ZC3H12B: variants seen among roughly 807,000 people sequenced by gnomAD.
The protein encoded by ZC3H12B is probable ribonuclease ZC3H12B.
A neutral mutation model predicts 43.9 loss-of-function variants in ZC3H12B; 7 were observed. The observed-to-expected ratio is 0.16, with a 90% CI of 0.09 to 0.30. ZC3H12B has a LOEUF of 0.30. Among genes scored for constraint, ZC3H12B ranks in the 10% least tolerant of loss-of-function variants. ZC3H12B has a pLI of 1.00. For missense variants in ZC3H12B, 475 were observed against 670.2 expected, an observed-to-expected ratio of 0.71 and a Z score of 3.22; for synonymous variants, 222 against 241.7, an observed-to-expected ratio of 0.92 and a Z score of 0.76.
chrX:65,150,628 G>A, the ZC3H12B span, among the ~76,000 whole-genome samples: 2 of 111,316 alleles, frequency 1.8e-5, no homozygotes, highest in South Asian at 3.8e-4. Context: ...TGAAGATGAT[G>A]ACTTCCAGCT....
At chrX:65,056,713 G>C in the ZC3H12B span, among the ~76,000 whole-genome samples, 3 of 110,886 alleles carry the variant, frequency 2.7e-5, no homozygotes, top group Admixed American at 2.9e-4. Context: ...CATTATTATT[G>C]TGTGGGAGTC....
intron 3 of ZC3H12B, among the ~76,000 whole-genome samples, chrX:65,477,717 A>G (rs760689602): frequency 1.3e-4 from 14 of 110,143 alleles, no homozygotes; most frequent in Middle Eastern, 4.7e-3. Flanking sequence ...AGCTGCCAAG[A>G]TCATGCCATT....
At chrX:65,281,680 G>A in the ZC3H12B span, among the ~76,000 whole-genome samples, 22 of 112,319 alleles carry the variant, frequency 2.0e-4, no homozygotes, top group Admixed American at 1.8e-3. Flanking sequence ...ACTCAAAATT[G>A]ACCAAACACC....
rs760042011 is a variant in ZC3H12B, at chrX:65,401,047, C to T, written n.407+2343C>T. 5.5e-5 allele frequency among the ~76,000 whole-genome samples: 6 copies of T among 108,266 alleles called. No homozygotes were observed. The South Asian group carries it at 2.5e-3, about 44-fold the overall frequency. The allele number at this position is 108,266 out of a possible 115,157, so 94.0% of individuals were successfully genotyped here. On this transcript the variant is annotated intron_variant and non_coding_transcript_variant, in intron 3 of 5. Transcript: ENST00000617377. ...ATAGAAGGCTCCACCAATTGTCACCCTCGCAAGGACATCAATTTAATTACT... is the reference window on the plus strand; with the variant it reads ...ATAGAAGGCTCCACCAATTGTCACCTTCGCAAGGACATCAATTTAATTACT...
chrX:65,187,007 C>A, the ZC3H12B span: 3 of 111,744 alleles, frequency 2.7e-5, no homozygotes, highest in African/African-American at 9.7e-5. Flanking sequence ...GTGCAAGTAT[C>A]TTTTTCGTAT....
chrX:65,196,483 G>T, the ZC3H12B span, among the ~76,000 whole-genome samples: 37 of 111,337 alleles, frequency 3.3e-4, no homozygotes, highest in Admixed American at 1.3e-3. Flanking sequence ...ATATAAAAGT[G>T]TTGAAGCAGT....
chrX:65,231,062 G>A, the ZC3H12B span, among the ~76,000 whole-genome samples: 18 of 111,165 alleles, frequency 1.6e-4, no homozygotes, highest in African/African-American at 3.6e-4. Context: ...ATTGTTGGCC[G>A]GTCTGAGAAA....
chrX:65,226,709 A>G, the ZC3H12B span, among the ~76,000 whole-genome samples: 6 of 111,369 alleles, frequency 5.4e-5, no homozygotes, highest in Non-Finnish European at 1.1e-4. Context: ...AATGGAAAAC[A>G]AAAAAAGGCA....
chrX:65,398,345 A>G (rs1296378948), intron 2 of ZC3H12B, among the ~76,000 whole-genome samples: 2 of 112,223 alleles, frequency 1.8e-5, no homozygotes, highest in Non-Finnish European at 3.8e-5. Flanking sequence ...AAACTGGAGT[A>G]ATCACATTAC....
chrX:65,230,192 A>G, the ZC3H12B span, among the ~76,000 whole-genome samples: 1 of 111,781 alleles, frequency 8.9e-6, no homozygotes, highest in Non-Finnish European at 1.9e-5. Flanking sequence ...ACACCATGGA[A>G]TACTATGTAG....
chrX:65,061,806 C>A, the ZC3H12B span, among the ~76,000 whole-genome samples: 1 of 112,345 alleles, frequency 8.9e-6, no homozygotes, highest in Non-Finnish European at 1.9e-5. Flanking sequence ...ATTCTTATTT[C>A]TCCACATCAT....
intron 3 of ZC3H12B, among the ~76,000 whole-genome samples, chrX:65,402,555 T>C (rs1345552704): frequency 1.8e-5 from 2 of 112,047 alleles, no homozygotes; most frequent in African/African-American, 6.5e-5. Flanking sequence ...AGCACGGTCC[T>C]AGTCCTAGTG....
intron 2 of ZC3H12B, among the ~76,000 whole-genome samples, chrX:65,395,408 T>C (rs1288027772): frequency 8.9e-6 from 1 of 112,251 alleles, no homozygotes; most frequent in East Asian, 2.8e-4. Context: ...TGAGAGTTTT[T>C]AGCATGAAGG....
chrX:65,206,414 G>A, the ZC3H12B span, among the ~76,000 whole-genome samples: 1 of 111,792 alleles, frequency 8.9e-6, no homozygotes, highest in Admixed American at 9.5e-5. Context: ...AGTAGGGAAA[G>A]GACACCCTAT....
chrX:65,201,134 C>T, the ZC3H12B span, among the ~76,000 whole-genome samples: 74 of 111,608 alleles, frequency 6.6e-4, no homozygotes, highest in African/African-American at 2.2e-3. Flanking sequence ...CTTCTTCGTA[C>T]CTCTGGAAAA....
the ZC3H12B span, among the ~76,000 whole-genome samples, chrX:65,097,053 A>G: frequency 1.8e-5 from 2 of 111,702 alleles, no homozygotes; most frequent in Admixed American, 9.5e-5. Flanking sequence ...TCCTTTGTCC[A>G]TAAGTTGTTA....
the ZC3H12B span, among the ~76,000 whole-genome samples, chrX:65,276,562 A>T: frequency 8.9e-6 from 1 of 112,002 alleles, no homozygotes; most frequent in African/African-American, 3.2e-5. Context: ...TCTGGCAGAA[A>T]AAAAAACTAT....
chrX:65,467,542 A>G (rs1369224677), intron 3 of ZC3H12B, among the ~76,000 whole-genome samples: 1 of 112,180 alleles, frequency 8.9e-6, no homozygotes, highest in East Asian at 2.8e-4. Flanking sequence ...TTTTTCAAAG[A>G]GATTGTACTA....
the ZC3H12B span, among the ~76,000 whole-genome samples, chrX:65,240,246 A>G: frequency 9.0e-6 from 1 of 111,149 alleles, no homozygotes; most frequent in Non-Finnish European, 1.9e-5. Flanking sequence ...ACATAGTCCC[A>G]TATTTTTTGG....
Sources: gnomAD v4.1 joint callset for allele counts (sites outside exome capture counted in the v4.1 genomes callset) on GRCh38, gnomAD v4.1.1 for gene constraint, MANE v1.5 for transcripts, NCBI Gene and HGNC (gene_info 2026-07-23, HGNC 2026-07-21) for gene names.